ASXL3: variants seen among roughly 807,000 people sequenced by gnomAD.
ASXL3 encodes ASXL transcriptional regulator 3.
ASXL3 carries 34 observed loss-of-function variants against 170.6 expected under a neutral mutation model. That is an observed-to-expected ratio of 0.20 (90% confidence interval 0.15 to 0.27). The LOEUF is 0.27. ASXL3 is among the 10% of genes least tolerant of loss of function. The pLI is 1.00. For missense variants in ASXL3, 2,592 were observed against 2,695.3 expected, an observed-to-expected ratio of 0.96 and a Z score of 0.85; for synonymous variants, 1,002 against 989.1, an observed-to-expected ratio of 1.01 and a Z score of -0.24.
chr18:33,732,351 A>C (rs1050261678), intron 9 of ASXL3, among the ~76,000 whole-genome samples: 7 of 152,178 alleles, frequency 4.6e-5, no homozygotes, highest in African/African-American at 1.7e-4. Flanking sequence ...TTGATCCATT[A>C]TGCATTCTCT....
Position 33,747,071 on chromosome 18 carries a change from T to G in ASXL3, c.*476T>G, listed in dbSNP as rs2067807790. 1 of 153,120 alleles carries G rather than the reference T, an allele frequency of 6.5e-6. No individual in the cohort carries two copies. The highest frequency in any genetic ancestry group is 2.4e-5 in the African/African-American group (1 of 41,464). 9.5% of individuals were successfully genotyped at this position (153,120 alleles called of 1,614,324 possible). A position where few individuals can be genotyped will look rare whatever the true frequency, so the allele number is the denominator to read the frequency against. ...CTTTACCACAGTGATTAAATCCTATTTAGAAAGGGGAATCTGATTTAAATG... is the reference window on the plus strand; with the variant it reads ...CTTTACCACAGTGATTAAATCCTATGTAGAAAGGGGAATCTGATTTAAATG... On this transcript the variant is annotated 3_prime_UTR_variant, in exon 12 of 12. Coordinates refer to ENST00000269197, the MANE Select transcript of ASXL3 (RefSeq NM_030632.3).
At chr18:33,694,981 C>T (rs944804882) in intron 8 of ASXL3, among the ~76,000 whole-genome samples, 22 of 152,102 alleles carry the variant, frequency 1.4e-4, no homozygotes, top group Non-Finnish European at 2.4e-4. Context: ...AAAGAAGTCA[C>T]GCAGCCTTTA....
intron 8 of ASXL3, among the ~76,000 whole-genome samples, chr18:33,685,832 A>T (rs1417697561): frequency 1.3e-5 from 2 of 152,096 alleles, no homozygotes; most frequent in Admixed American, 6.5e-5. Context: ...CAGAGGGAAA[A>T]CTCACTCACT....
At chr18:33,683,848 T>C (rs1300637511) in intron 8 of ASXL3, among the ~76,000 whole-genome samples, 4 of 152,180 alleles carry the variant, frequency 2.6e-5, no homozygotes, top group Admixed American at 6.5e-5. Context: ...CATTCCATTA[T>C]CAAATAAATC....
At position 33,744,058 on chromosome 18, in the gene ASXL3, A is replaced by G; in HGVS notation, c.4210A>G (p.Thr1404Ala). 1 of 1,614,064 alleles carries G rather than the reference A, an allele frequency of 6.2e-7. No individual in the cohort carries two copies. The highest frequency in any genetic ancestry group is 2.2e-5 in the East Asian group (1 of 44,880). ...CAGCTGCAGTGATTCTGTAGCGGTC[A>G]CAGACTCTCTGGTTGCACACCCGAC... ...ALSCSDSVAV[T>A]DSLVAHPTVA... is the part of the protein sequence containing the mutation. The change falls in exon 12 of 12, where the codon ACA becomes GCA. Residue 1404 changes from threonine to alanine, a missense_variant. By Grantham distance (58) the Thr-to-Ala change is moderately conservative. This residue lies in a region of ASXL3 where 2,246 missense variants were observed against 2,219.6 expected (regional missense o/e 1.01). Transcript: ENST00000269197.
intron 8 of ASXL3, among the ~76,000 whole-genome samples, chr18:33,724,424 C>T (rs2067313417): frequency 1.3e-5 from 2 of 152,002 alleles, no homozygotes; most frequent in African/African-American, 2.4e-5. Flanking sequence ...ATCTTAGAAA[C>T]TTATATTCAT....
intron 2 of ASXL3, among the ~76,000 whole-genome samples, chr18:33,626,230 T>C (rs1345723857): frequency 1.3e-5 from 2 of 152,196 alleles, no homozygotes; most frequent in Non-Finnish European, 2.9e-5. Flanking sequence ...GTTTGAATTC[T>C]TTTTTGATTT....
chr18:33,737,510 A>G (rs1467356333), intron 10 of ASXL3, among the ~76,000 whole-genome samples: 1 of 152,108 alleles, frequency 6.6e-6, no homozygotes, highest in African/African-American at 2.4e-5. Context: ...GATTTACAGT[A>G]CCCTTGATTG....
intron 7 of ASXL3, among the ~76,000 whole-genome samples, chr18:33,676,322 C>T (rs1314044948): frequency 2.6e-5 from 4 of 151,112 alleles, no homozygotes; most frequent in South Asian, 2.1e-4. Context: ...TGGGAAGCTA[C>T]GACTGTTGAT....
At chr18:33,601,214 C>T (rs573210419) in intron 1 of ASXL3, among the ~76,000 whole-genome samples, 44 of 151,596 alleles carry the variant, frequency 2.9e-4, no homozygotes, top group African/African-American at 9.7e-4. Context: ...TCTGGTAGCG[C>T]TCTTCTTTGT....
At chr18:33,637,343 A>G (rs1024789576) in intron 2 of ASXL3, among the ~76,000 whole-genome samples, 3 of 152,162 alleles carry the variant, frequency 2.0e-5, no homozygotes, top group Non-Finnish European at 2.9e-5. Flanking sequence ...AGAGTTAAAC[A>G]GGATTTTTCA....
rs115267760 is a variant in ASXL3 at position 33,721,739 on chromosome 18, G to C, written c.880-10229G>C. 6.7e-3 allele frequency among the ~76,000 whole-genome samples: 1,017 copies of C among 152,132 alleles called. 8 individuals carry two copies. Among genetic ancestry groups the C allele is most frequent in the African/African-American group, 0.023 (968 of 41,536 alleles). ...AAACTTATTTGGAGGAAGGATGAAAGCTATACAGGCTTACCTTGTTTTAAT... is the reference window on the plus strand; with the variant it reads ...AAACTTATTTGGAGGAAGGATGAAACCTATACAGGCTTACCTTGTTTTAAT... On this transcript the variant is annotated intron_variant, in intron 8 of 11. Transcript: ENST00000269197.
At chr18:33,712,313 T>A (rs1321812814) in intron 8 of ASXL3, among the ~76,000 whole-genome samples, 1 of 152,214 alleles carries the variant, frequency 6.6e-6, no homozygotes, top group Non-Finnish European at 1.5e-5. Context: ...TTAAAAAAAA[T>A]TGTATTACAG....
chr18:33,607,051 T>C (rs185271470), intron 1 of ASXL3, among the ~76,000 whole-genome samples: 92 of 152,080 alleles, frequency 6.0e-4, no homozygotes, highest in African/African-American at 2.2e-3. Flanking sequence ...TTGAAATTAA[T>C]TGGAAAAGGC....
chr18:33,745,874 T>A lies in ASXL3; in HGVS notation c.6026T>A (p.Met2009Lys). The change falls in exon 12 of 12, where the codon ATG becomes AAG. Residue 2009 changes from methionine to lysine, a missense_variant. Physicochemically the swap from Met to Lys is moderately conservative, Grantham distance 95. Coordinates refer to ENST00000269197, the MANE Select transcript of ASXL3 (RefSeq NM_030632.3). ...GAGGTGGGAGGCACTGCACACACAA[T>A]GCCAAACAAAGCACTAGTACATCCG... ...GDEVGGTAHT[M>K]PNKALVHPPP... is the part of the protein sequence containing the mutation. 6.2e-7 allele frequency: 1 copy of A among 1,613,572 alleles called. No individual in the cohort carries two copies. The highest frequency in any genetic ancestry group is 8.5e-7 in the Non-Finnish European group (1 of 1,179,852).
At chr18:33,680,722 T>C (rs539605722) in intron 7 of ASXL3, among the ~76,000 whole-genome samples, 22 of 152,150 alleles carry the variant, frequency 1.4e-4, no homozygotes, top group African/African-American at 3.9e-4. Context: ...CCTAATAATA[T>C]ATTTTTTTAC....
chr18:33,585,905 A>AT (rs1199505653), intron 1 of ASXL3, among the ~76,000 whole-genome samples: 1 of 152,168 alleles, frequency 6.6e-6, no homozygotes, highest in Non-Finnish European at 1.5e-5. Flanking sequence ...CTAGATTATG[A>AT]TTTTTTAAAA....
chr18:33,734,117 C>T (rs1376643689), intron 9 of ASXL3, among the ~76,000 whole-genome samples, 193 bp from the exon 10 acceptor site: 1 of 147,902 alleles, frequency 6.8e-6, no homozygotes, highest in Non-Finnish European at 1.5e-5. Context: ...TCTTCTAAAG[C>T]ATTTAGCTTT....
At chr18:33,738,437 C>A (rs2067585553) in intron 10 of ASXL3, 50 bp from the exon 11 acceptor site, 3 of 1,502,218 alleles carry the variant, frequency 2.0e-6, no homozygotes, top group South Asian at 2.7e-5. Context: ...CCCAGTTGTA[C>A]CTTTTATGTT....
Sources: gnomAD v4.1 joint callset for allele counts (sites outside exome capture counted in the v4.1 genomes callset) on GRCh38, gnomAD v4.1.1 for gene constraint, gnomAD v4.1.1 regional missense constraint, MANE v1.5 for transcripts, NCBI Gene and HGNC (gene_info 2026-07-23, HGNC 2026-07-21) for gene names.